ASAP2: variants seen among roughly 807,000 people sequenced by gnomAD.
ASAP2 encodes the protein arf-GAP with SH3 domain, ANK repeat and PH domain-containing protein 2.
Under a neutral mutation model 131.4 loss-of-function variants are expected in ASAP2, and 45 were observed. That is an observed-to-expected ratio of 0.34 (90% CI 0.27 to 0.44). The LOEUF (loss-of-function observed/expected upper bound fraction) is 0.44, where lower values mean the gene tolerates loss of function less well. Ranked by LOEUF, ASAP2 falls within the 20% of genes least tolerant of loss-of-function variation. The pLI is 1.00. For missense variants in ASAP2, 1,011 were observed against 1,297.0 expected (o/e 0.78, Z 3.39); for synonymous variants, 510 against 503.0 (o/e 1.01, Z -0.19).
At chr2:9,377,060 G>A (rs542582351) in intron 18 of ASAP2, 67 bp downstream of exon 18, 6 of 1,379,576 alleles carry the variant, frequency 4.3e-6, no homozygotes, top group African/African-American at 1.4e-5. Context: ...GGAATCGGAC[G>A]CTGCCTCATC....
intron 1 of ASAP2, among the ~76,000 whole-genome samples, chr2:9,220,432 G>C (rs1318108279): frequency 6.6e-6 from 1 of 152,346 alleles, no homozygotes; most frequent in East Asian, 1.9e-4. Context: ...TGGGTGTGAA[G>C]TGGTGGGTTT....
chr2:9,340,819 T>G (rs1671528235), intron 9 of ASAP2, among the ~76,000 whole-genome samples: 2 of 152,212 alleles, frequency 1.3e-5, no homozygotes. Flanking sequence ...CCAGACCCAA[T>G]GGCTAATACT....
intron 27 of ASAP2, 87 bp from the exon 28 acceptor site, chr2:9,403,166 C>A: frequency 8.7e-7 from 1 of 1,155,144 alleles, no homozygotes; most frequent in Non-Finnish European, 1.3e-6. Flanking sequence ...TCTTGCTTTT[C>A]TTCACCAAAC....
rs531563570 is a variant in ASAP2, at chr2:9,364,974, G to A, written c.1462-3451G>A. ...CCAACTATCAGACTCCAGAGCCTGT[G>A]TTTTAGCCTTTTTTTTTAAAGCCAA... is the stretch of plus-strand genomic sequence containing the variant. On this transcript the variant is annotated intron_variant, in intron 15 of 27. Coordinates refer to ENST00000281419, the MANE Select transcript of ASAP2 (RefSeq NM_003887.3). 3.3e-5 allele frequency among the ~76,000 whole-genome samples: 5 copies of A among 152,190 alleles called. No homozygotes were observed. In the East Asian group the frequency reaches 9.6e-4, roughly 29 times the overall value.
intron 4 of ASAP2, 75 bp downstream of exon 4, chr2:9,318,673 A>G: frequency 2.1e-6 from 2 of 953,436 alleles, no homozygotes; most frequent in Non-Finnish European, 3.2e-6. Flanking sequence ...CCTGCCGGGC[A>G]GCAGCCACGC....
At chr2:9,300,288 C>G (rs1193877326) in intron 3 of ASAP2, among the ~76,000 whole-genome samples, 2 of 152,252 alleles carry the variant, frequency 1.3e-5, no homozygotes, top group African/African-American at 2.4e-5. Context: ...GAGTCCTTGC[C>G]TAGGCAGGCC....
intron 7 of ASAP2, among the ~76,000 whole-genome samples, chr2:9,332,146 A>G (rs1468954479): frequency 6.6e-6 from 1 of 152,136 alleles, no homozygotes; most frequent in Non-Finnish European, 1.5e-5. Flanking sequence ...AGGCTAGAAA[A>G]TGTTTAATAG....
intron 16 of ASAP2, 107 bp from the exon 17 acceptor site, chr2:9,374,648 T>C: frequency 1.8e-6 from 2 of 1,123,824 alleles, no homozygotes; most frequent in Non-Finnish European, 1.3e-6. Flanking sequence ...CAGCGGTGCT[T>C]ACCAGGGACA....
At chr2:9,373,752 C>A (rs1256482217) in intron 16 of ASAP2, among the ~76,000 whole-genome samples, 1 of 152,226 alleles carries the variant, frequency 6.6e-6, no homozygotes, top group Non-Finnish European at 1.5e-5. Flanking sequence ...TGCTGTGTTA[C>A]AAATGGATGC....
chr2:9,394,024 C>A (rs1029351486), intron 24 of ASAP2, among the ~76,000 whole-genome samples: 1 of 152,190 alleles, frequency 6.6e-6, no homozygotes, highest in African/African-American at 2.4e-5. Flanking sequence ...GGACATTGTC[C>A]TACCTCACAC....
intron 16 of ASAP2, among the ~76,000 whole-genome samples, chr2:9,369,564 A>G (rs1175369698): frequency 1.3e-5 from 2 of 152,204 alleles, no homozygotes; most frequent in Non-Finnish European, 2.9e-5. Flanking sequence ...AGTGAAACAG[A>G]CGGAAGGAAG....
At chr2:9,249,619 C>G (rs1245668584) in intron 1 of ASAP2, among the ~76,000 whole-genome samples, 1 of 152,234 alleles carries the variant, frequency 6.6e-6, no homozygotes, top group Admixed American at 6.5e-5. Context: ...ATAGCCATGA[C>G]TTAGCAGGGT....
chr2:9,230,402 C>T (rs369100209), intron 1 of ASAP2, among the ~76,000 whole-genome samples: 117 of 152,294 alleles, frequency 7.7e-4, no homozygotes, highest in South Asian at 4.8e-3. Context: ...CTCTGGCAGG[C>T]GAGTTTCCCA....
intron 1 of ASAP2, among the ~76,000 whole-genome samples, chr2:9,211,356 T>C (rs1661535607): frequency 1.3e-5 from 2 of 152,230 alleles, no homozygotes; most frequent in African/African-American, 4.8e-5. Context: ...TGGCAGAAAT[T>C]TGAAAAGTAA....
chr2:9,220,048 T>C (rs1449248702), intron 1 of ASAP2, among the ~76,000 whole-genome samples: 1 of 152,252 alleles, frequency 6.6e-6, no homozygotes, highest in Non-Finnish European at 1.5e-5. Flanking sequence ...TTTATTTCTT[T>C]TTATGGCTGA....
intron 1 of ASAP2, among the ~76,000 whole-genome samples, chr2:9,275,311 C>T (rs906423415): frequency 3.9e-5 from 6 of 152,254 alleles, no homozygotes; most frequent in Admixed American, 6.5e-5. Context: ...CTCAAACATT[C>T]TTCCCACCTT....
chr2:9,377,070 C>T (rs923107150), intron 18 of ASAP2, 77 bp downstream of exon 18: 16 of 1,279,310 alleles, frequency 1.3e-5, no homozygotes, highest in Admixed American at 6.9e-5. Context: ...GCTGCCTCAT[C>T]GCTTCTGATG....
chr2:9,213,404 G>T (rs1420178774), intron 1 of ASAP2, among the ~76,000 whole-genome samples: 1 of 152,204 alleles, frequency 6.6e-6, no homozygotes, highest in African/African-American at 2.4e-5. Context: ...TGTCCATCTT[G>T]GGGAAGGAAT....
rs1323283074 is a variant in ASAP2 at position 9,391,163 on chromosome 2, C to T, written c.2485C>T (p.Pro829Ser). The change falls in exon 23 of 28, where the codon CCA (proline) becomes TCA (serine). Residue 829 changes from proline (P) to serine (S), a missense_variant. Pro to Ser is a moderately conservative substitution (Grantham distance 74, BLOSUM62 -1). Around this residue, in one of 2 missense-constraint regions of ASAP2, gnomAD observed 652 missense variants for 698.9 expected, o/e 0.93. Coordinates refer to ENST00000281419, the MANE Select transcript of ASAP2 (RefSeq NM_003887.3). ...TTCGTCAGATCCGCCAGCTGTCCATCCACCGCTGCCCCCTCTTCGCGTGAC... is the reference window on the plus strand; with the variant it reads ...TTCGTCAGATCCGCCAGCTGTCCATTCACCGCTGCCCCCTCTTCGCGTGAC... ...RSSSDPPAVH[P>S]PLPPLRVTST... 1 of 1,614,170 alleles carries T rather than the reference C, an allele frequency of 6.2e-7. No homozygotes were observed. The highest frequency in any genetic ancestry group is 1.1e-5 in the South Asian group (1 of 91,076).
Sources: allele counts gnomAD v4.1 joint callset (sites outside exome capture counted in the v4.1 genomes callset), GRCh38; gene constraint gnomAD v4.1.1; regional missense constraint gnomAD v4.1.1; transcripts MANE v1.5; gene names NCBI Gene and HGNC (gene_info 2026-07-23, HGNC 2026-07-21).